ANKS1B: variants seen among roughly 807,000 people sequenced by gnomAD.
The protein encoded by ANKS1B is ankyrin repeat and sterile alpha motif domain containing 1B.
Under a neutral mutation model 148.3 loss-of-function variants are expected in ANKS1B, and 36 were observed. That is an observed-to-expected ratio of 0.24 (90% CI 0.19 to 0.32). ANKS1B has a LOEUF of 0.32. Among genes scored for constraint, ANKS1B ranks in the 10% least tolerant of loss-of-function variants. ANKS1B has a pLI of 1.00. For synonymous variants in ANKS1B, 542 were observed against 560.8 expected, an observed-to-expected ratio of 0.97 and a Z score of 0.47; for missense variants, 1,157 against 1,542.6, an observed-to-expected ratio of 0.75 and a Z score of 4.19.
intron 1 of ANKS1B, among the ~76,000 whole-genome samples, chr12:99,847,851 A>G (rs2086950551): frequency 6.6e-6 from 1 of 152,166 alleles, no homozygotes; most frequent in Admixed American, 6.6e-5. Flanking sequence ...GGAATAACCG[A>G]CAAATTCAGT....
At chr12:98,976,198 G>A (rs1156476739) in intron 17 of ANKS1B, among the ~76,000 whole-genome samples, 4 of 152,160 alleles carry the variant, frequency 2.6e-5, no homozygotes, top group Non-Finnish European at 5.9e-5. Context: ...TTTCAGCTGA[G>A]GAACTAATTC....
chr12:98,750,797 A>G, intron 26 of ANKS1B, among the ~76,000 whole-genome samples: 1 of 152,202 alleles, frequency 6.6e-6, no homozygotes, highest in Non-Finnish European at 1.5e-5. Context: ...AGATGCTGAG[A>G]AGGAGGGGCT....
intron 19 of ANKS1B, among the ~76,000 whole-genome samples, chr12:98,810,952 G>T (rs372667849): frequency 6.6e-6 from 1 of 152,232 alleles, no homozygotes; most frequent in Admixed American, 6.5e-5. Flanking sequence ...GAGGGCAGGT[G>T]TCATGGTCTA....
chr12:99,377,111 G>A (rs757233746), intron 12 of ANKS1B, among the ~76,000 whole-genome samples: 3 of 151,752 alleles, frequency 2.0e-5, no homozygotes, highest in Admixed American at 2.0e-4. Context: ...AGGTTCAAGC[G>A]ATTCTCCTGC....
intron 1 of ANKS1B, among the ~76,000 whole-genome samples, chr12:99,830,954 C>T (rs1450110544): frequency 1.3e-5 from 2 of 152,232 alleles, no homozygotes; most frequent in South Asian, 2.1e-4. Flanking sequence ...GTCATCTCTT[C>T]GGAAACTCTC....
chr12:99,339,808 T>A (rs1474468078), intron 12 of ANKS1B, among the ~76,000 whole-genome samples: 1 of 152,134 alleles, frequency 6.6e-6, no homozygotes, highest in Non-Finnish European at 1.5e-5. Flanking sequence ...TAATCCTAGA[T>A]CCAGTCTCCA....
intron 12 of ANKS1B, among the ~76,000 whole-genome samples, chr12:99,274,298 G>T (rs1015151793): frequency 6.6e-6 from 1 of 151,884 alleles, no homozygotes. Context: ...AAATAATCTT[G>T]CCCCCTTTGT....
intron 9 of ANKS1B, among the ~76,000 whole-genome samples, chr12:99,615,174 CACAGACAG>C (rs35569353): frequency 1.2e-3 from 185 of 151,630 alleles, no homozygotes; most frequent in Non-Finnish European, 2.0e-3. Context: ...AGATAGATTA[CACAGACAG>C]ACAGACAGAC....
chr12:99,600,390 T>A (rs1425708176), intron 9 of ANKS1B, among the ~76,000 whole-genome samples: 1 of 151,918 alleles, frequency 6.6e-6, no homozygotes. Context: ...CAATACCACA[T>A]CACATAACTG....
chr12:98,794,130 G>T (rs879779807), intron 22 of ANKS1B, among the ~76,000 whole-genome samples: 2 of 152,108 alleles, frequency 1.3e-5, no homozygotes, highest in Non-Finnish European at 2.9e-5. Flanking sequence ...GGTGGCTCAC[G>T]CCTGTAATCC....
intron 12 of ANKS1B, among the ~76,000 whole-genome samples, chr12:99,357,269 A>C (rs1215955143): frequency 2.6e-5 from 4 of 152,128 alleles, no homozygotes; most frequent in African/African-American, 9.7e-5. Context: ...TGACTAAATA[A>C]TTAAATTTTA....
chr12:99,166,163 T>C (rs1001444629), intron 14 of ANKS1B, among the ~76,000 whole-genome samples: 2 of 151,582 alleles, frequency 1.3e-5, no homozygotes, highest in South Asian at 4.2e-4. Context: ...GTTAGTACCA[T>C]ACTAGATTGT....
chr12:99,686,977 T>G (rs1361748603), intron 8 of ANKS1B, among the ~76,000 whole-genome samples: 1 of 152,206 alleles, frequency 6.6e-6, no homozygotes, highest in Non-Finnish European at 1.5e-5. Flanking sequence ...GATATCATTT[T>G]TGCCTTTTGC....
At chr12:99,706,276 A>C (rs1459231090) in intron 8 of ANKS1B, among the ~76,000 whole-genome samples, 1 of 152,060 alleles carries the variant, frequency 6.6e-6, no homozygotes, top group Non-Finnish European at 1.5e-5. Flanking sequence ...CCAGATAACT[A>C]GATAAAAGAG....
chr12:99,310,669 C>T (rs1361120774), intron 12 of ANKS1B, among the ~76,000 whole-genome samples: 1 of 152,090 alleles, frequency 6.6e-6, no homozygotes, highest in African/African-American at 2.4e-5. Context: ...AGGCTGGGAC[C>T]AAACCATCAG....
intron 11 of ANKS1B, among the ~76,000 whole-genome samples, chr12:99,429,289 A>G (rs1448254171): frequency 6.6e-6 from 1 of 152,248 alleles, no homozygotes; most frequent in African/African-American, 2.4e-5. Context: ...ACCAGCTGAT[A>G]GGATGCAATA....
chr12:98,955,579 C>A (rs780127458), intron 17 of ANKS1B, among the ~76,000 whole-genome samples: 16 of 152,050 alleles, frequency 1.1e-4, no homozygotes, highest in Non-Finnish European at 1.5e-4. Flanking sequence ...GGGAGGCAGC[C>A]GTGGAAGAGG....
In ANKS1B at chr12:99,648,769, G is replaced by A. The variant is rs1567560356; in HGVS notation, c.1272+6298C>T. ...CACATTGGACTCATCTGTGTTGGAGGAAGTGCAGAGGAGCCCAGTGGTGAG... is the reference window on the plus strand; with the variant it reads ...CACATTGGACTCATCTGTGTTGGAGAAAGTGCAGAGGAGCCCAGTGGTGAG... On this transcript the variant is annotated intron_variant, in intron 9 of 26. Coordinates refer to ENST00000683438, the MANE Select transcript of ANKS1B (RefSeq NM_001352186.2). The A allele has an allele frequency of 2.5e-6, 4 of 1,612,084 alleles. No individual in the cohort carries two copies. The Admixed American group carries it at 6.7e-5, about 27-fold the overall frequency.
chr12:99,201,630 A>G (rs913370790), intron 14 of ANKS1B, among the ~76,000 whole-genome samples: 4 of 152,196 alleles, frequency 2.6e-5, no homozygotes, highest in Non-Finnish European at 4.4e-5. Flanking sequence ...GGCAATTTGC[A>G]TGATAAATTT....
Sources: allele counts gnomAD v4.1 joint callset (sites outside exome capture counted in the v4.1 genomes callset), GRCh38; gene constraint gnomAD v4.1.1; transcripts MANE v1.5; gene names NCBI Gene and HGNC (gene_info 2026-07-23, HGNC 2026-07-21).